LY6G5B: variants seen among roughly 807,000 people sequenced by gnomAD.
LY6G5B encodes lymphocyte antigen 6 family member G5B.
A neutral mutation model predicts 6.7 loss-of-function variants in LY6G5B; 6 were observed. That is an observed-to-expected ratio of 0.89 (90% CI 0.49 to 1.76). The LOEUF (loss-of-function observed/expected upper bound fraction) is 1.76. Among genes scored for constraint, LY6G5B ranks in the 40% most tolerant of loss-of-function variants. The pLI is 0.01. For missense variants in LY6G5B, 240 were observed against 249.5 expected (o/e 0.96, Z 0.26); for synonymous variants, 98 against 99.4 (o/e 0.99, Z 0.09).
chr6:31,670,221 A>T (rs998987540), exon 1 of LY6G5B: 8 of 436,188 alleles, frequency 1.8e-5, no homozygotes, highest in Non-Finnish European at 3.2e-5. Flanking sequence ...ATGGAGCAGA[A>T]CAGAATTCCT....
upstream of LY6G5B, chr6:31,670,075 G>C: frequency 2.9e-6 from 2 of 696,686 alleles, no homozygotes; most frequent in South Asian, 4.0e-5. Context: ...CCATGAGCTA[G>C]TCTGCTGGTG....
rs547701297 is a variant in LY6G5B at position 31,671,334 on chromosome 6, GTCTTC to G, written c.187+54_187+58del. On this transcript the variant is annotated intron_variant, in intron 2 of 2. Coordinates refer to ENST00000375864, the Ensembl canonical transcript of LY6G5B. ...TGCTGGTGGGGCAGCCAATGGCTTG[GTCTTC>G]TCTCCTCTCACAGATCAGGGCTGCT... 256 of 1,610,420 alleles carry G rather than the reference GTCTTC, an allele frequency of 1.6e-4. 1 individual carries two copies. The South Asian group carries it at 2.6e-3, about 16-fold the overall frequency.
upstream of LY6G5B, chr6:31,670,025 G>A (rs765434903): frequency 3.3e-5 from 31 of 950,184 alleles, no homozygotes; most frequent in South Asian, 6.9e-5. Flanking sequence ...TAAAGGAGTC[G>A]TTATCGTGGT....
intron 1 of LY6G5B, 68 bp from the exon 2 acceptor site, chr6:31,671,088 G>A (rs925931952): frequency 5.2e-5 from 84 of 1,611,056 alleles, no homozygotes; most frequent in Middle Eastern, 1.7e-4. Context: ...ATGGATAATC[G>A]GGCTTCCTAC....
exon 3 of LY6G5B, chr6:31,673,385 C>T (rs1802377844): frequency 6.5e-6 from 1 of 152,814 alleles, no homozygotes; most frequent in Non-Finnish European, 1.5e-5. Context: ...CTCCTGTCCT[C>T]TCTTGCTCTC....
chr6:31,672,515 G>A, exon 3 of LY6G5B: 1 of 577,316 alleles, frequency 1.7e-6, no homozygotes, highest in Non-Finnish European at 3.0e-6. Context: ...CATGATCTCT[G>A]CTCACTACAA....
At position 31,671,299 on chromosome 6, in the gene LY6G5B, A is replaced by C; in HGVS notation, c.187+15A>C. On this transcript the variant is annotated intron_variant, in intron 2 of 2. Coordinates refer to ENST00000375864, the Ensembl canonical transcript of LY6G5B. ...CATCTATTATGGTAAATAAGGTCCC[A>C]GGAAGGGGCTGCTGGTGGGGCAGCC... 4.3e-6 allele frequency: 7 copies of C among 1,613,054 alleles called. No individual in the cohort carries two copies. Among genetic ancestry groups the C allele is most frequent in the Non-Finnish European group, 5.9e-6 (7 of 1,180,000 alleles).
Position 31,671,008 on chromosome 6 carries a change from G to T in LY6G5B, c.58G>T (p.Val20Phe), listed in dbSNP as rs748868688. The change falls in exon 1 of 3, where the codon GTT (valine) becomes TTT (phenylalanine). Residue 20 changes from valine (V) to phenylalanine (F), a missense_variant and splice_region_variant. By Grantham distance (50) the Val-to-Phe change is conservative. Coordinates refer to ENST00000375864, the Ensembl canonical transcript of LY6G5B. The stretch of plus-strand genomic sequence containing the variant: ...CATGGTGGGCTTCACAGTAGGAAAG[G>T]GTAAGTGGGGCCCAGGGGCAGGGAG... The T allele has an allele frequency of 8.1e-6, 13 of 1,612,626 alleles. No homozygotes were observed. In the South Asian group the frequency reaches 1.4e-4, roughly 18 times the overall value.
exon 3 of LY6G5B, chr6:31,673,299 G>C (rs2151196488): frequency 6.6e-6 from 1 of 152,564 alleles, no homozygotes; most frequent in African/African-American, 2.4e-5. Context: ...ATTCTGTGCA[G>C]ATGTCCTGAC....
At chr6:31,671,105 A>G in intron 1 of LY6G5B, 51 bp from the exon 2 acceptor site, 1 of 1,612,930 alleles carries the variant, frequency 6.2e-7, no homozygotes, top group Non-Finnish European at 8.5e-7. Context: ...CTACTGGCCC[A>G]GGGTATTTGA....
At chr6:31,671,241 C>A (rs1802188183) in exon 2 of LY6G5B, 2 of 1,613,898 alleles carry the variant, frequency 1.2e-6, no homozygotes, top group East Asian at 4.5e-5. Context: ...AGAAGTGTAC[C>A]ATCAGCAGCT....
At chr6:31,671,698 GT>G (rs1268302260) in intron 2 of LY6G5B, among the ~76,000 whole-genome samples, 165 bp from the exon 3 acceptor site, 1 of 152,090 alleles carries the variant, frequency 6.6e-6, no homozygotes, top group Non-Finnish European at 1.5e-5. Context: ...GGAAGGAGGG[GT>G]CTAAGGTTCT....
At chr6:31,671,033 G>C (rs1216645257) in intron 1 of LY6G5B, 25 bp downstream of exon 1, 1 of 1,610,516 alleles carries the variant, frequency 6.2e-7, no homozygotes, top group Non-Finnish European at 8.5e-7. Context: ...GGGGCAGGGA[G>C]GGAGGAAGGG....
In LY6G5B at chr6:31,671,607, C is replaced by T. The variant is rs34698313; in HGVS notation, c.188-257C>T. Reference sequence around the variant, plus strand: ...TCTTAAACTCAGGAGGCATAGGTTGCAGTGAGCCAAGATTGCGCCACCATG... The same window carrying T: ...TCTTAAACTCAGGAGGCATAGGTTGTAGTGAGCCAAGATTGCGCCACCATG... On this transcript the variant is annotated intron_variant, in intron 2 of 2. Transcript: ENST00000375864. Among the ~76,000 whole-genome samples the T allele has an allele frequency of 3.7e-3, 562 of 152,188 alleles. 1 individual carries two copies. Among genetic ancestry groups the T allele is most frequent in the African/African-American group, 0.013 (527 of 41,510 alleles).
rs953807634 is a variant in LY6G5B, at chr6:31,670,566, A to T, written c.-385A>T. ...CAGTGGGGATTGGCCCTGTTGTATGACGAAGACAGCACATGGTGGCAGAGA... is the reference window on the plus strand; with the variant it reads ...CAGTGGGGATTGGCCCTGTTGTATGTCGAAGACAGCACATGGTGGCAGAGA... On this transcript the variant is annotated 5_prime_UTR_variant, in exon 1 of 3. It removes the in-frame stop codon of an upstream open reading frame in the 5' UTR. Transcript: ENST00000375864. 4.5e-6 allele frequency: 1 copy of T among 221,462 alleles called. No homozygotes were observed. The highest frequency in any genetic ancestry group is 9.0e-6 in the Non-Finnish European group (1 of 111,710). 13.7% of individuals were successfully genotyped at this position (221,462 alleles called of 1,614,324 possible).
exon 3 of LY6G5B, chr6:31,672,563 G>A: frequency 2.1e-6 from 1 of 467,724 alleles, no homozygotes; most frequent in Non-Finnish European, 3.8e-6. Flanking sequence ...TCCTGCCTCA[G>A]CCTCCCGAGT....
chr6:31,671,314 G>C, intron 2 of LY6G5B, 30 bp downstream of exon 2: 1 of 1,612,340 alleles, frequency 6.2e-7, no homozygotes, highest in Non-Finnish European at 8.5e-7. Flanking sequence ...GGGGCTGCTG[G>C]TGGGGCAGCC....
At chr6:31,673,360 CTAG>C (rs1405273510) in exon 3 of LY6G5B, 1 of 152,778 alleles carries the variant, frequency 6.5e-6, no homozygotes, top group Non-Finnish European at 1.5e-5. Context: ...CCCGCCTGTC[CTAG>C]TGTTGTTCTG....
exon 3 of LY6G5B, chr6:31,672,063 T>G (rs745821998): frequency 6.2e-7 from 1 of 1,613,112 alleles, no homozygotes; most frequent in Non-Finnish European, 8.5e-7. Context: ...TGCCTCTGTC[T>G]GACTCCCAGA....
Sources: allele counts gnomAD v4.1 joint callset (sites outside exome capture counted in the v4.1 genomes callset), GRCh38; gene constraint gnomAD v4.1.1; transcripts MANE v1.5; gene names NCBI Gene and HGNC (gene_info 2026-07-23, HGNC 2026-07-21).